Variants in ECHDC1 observed in about 807,000 individuals in gnomAD.
ECHDC1 encodes the protein ethylmalonyl-CoA decarboxylase.
ECHDC1 carries 29 observed loss-of-function variants against 29.7 expected under a neutral mutation model. The observed-to-expected ratio is 0.98, with a 90% CI of 0.73 to 1.33. The LOEUF is 1.33. Among genes scored for constraint, ECHDC1 ranks in the 40% most tolerant of loss-of-function variants. The pLI is 0.00. For missense variants in ECHDC1, 328 were observed against 350.0 expected, an observed-to-expected ratio of 0.94 and a Z score of 0.50; for synonymous variants, 126 against 123.1, an observed-to-expected ratio of 1.02 and a Z score of -0.15.
chr6:127,291,459 C>T (rs1206548653), intron 5 of ECHDC1, among the ~76,000 whole-genome samples: 1 of 151,684 alleles, frequency 6.6e-6, no homozygotes, highest in East Asian at 1.9e-4. Context: ...AGTGAGTTTC[C>T]CTAACGGGTT....
At chr6:127,335,427 C>CA (rs1265920182) in intron 1 of ECHDC1, among the ~76,000 whole-genome samples, 4 of 151,668 alleles carry the variant, frequency 2.6e-5, no homozygotes, top group African/African-American at 4.8e-5. Flanking sequence ...TAGAGTGTGA[C>CA]AAAAAAAGTA....
At chr6:127,328,753 G>A (rs1279917699) in intron 2 of ECHDC1, among the ~76,000 whole-genome samples, 3 of 152,182 alleles carry the variant, frequency 2.0e-5, no homozygotes, top group Non-Finnish European at 4.4e-5. Context: ...CAGGCCGGGT[G>A]CAGTGGCTCA....
intron 5 of ECHDC1, among the ~76,000 whole-genome samples, chr6:127,291,565 G>C (rs763520258): frequency 9.2e-5 from 14 of 152,108 alleles, no homozygotes; most frequent in Non-Finnish European, 2.1e-4. Context: ...AACAGACTGA[G>C]TAAAGCTACA....
chr6:127,313,686 G>A, intron 5 of ECHDC1: 1 of 432,636 alleles, frequency 2.3e-6, no homozygotes, highest in Non-Finnish European at 4.6e-6. Context: ...TAAAAAAATG[G>A]CAAGGCCAGG....
chr6:127,331,990 C>T, intron 1 of ECHDC1: 1 of 469,796 alleles, frequency 2.1e-6, no homozygotes, highest in Non-Finnish European at 2.8e-6. Flanking sequence ...ATAAGCTTTT[C>T]TTGCCCTATG....
chr6:127,342,640 T>C (rs1785055460), intron 1 of ECHDC1: 1 of 408,046 alleles, frequency 2.5e-6, no homozygotes, highest in East Asian at 3.6e-5. Flanking sequence ...CTCTAGCACC[T>C]AGAGCAACAA....
chr6:127,298,300 T>C (rs1431843679), intron 5 of ECHDC1, among the ~76,000 whole-genome samples: 2 of 149,096 alleles, frequency 1.3e-5, no homozygotes, highest in African/African-American at 4.9e-5. Context: ...ATATTAAATA[T>C]TAGACATATA....
intron 5 of ECHDC1, among the ~76,000 whole-genome samples, chr6:127,305,585 C>A (rs995438841): frequency 6.6e-6 from 1 of 152,014 alleles, no homozygotes; most frequent in Non-Finnish European, 1.5e-5. Context: ...ATGAACCAAT[C>A]AAAAATAATA....
intron 5 of ECHDC1, among the ~76,000 whole-genome samples, chr6:127,310,317 T>C (rs1781801534): frequency 6.6e-6 from 1 of 152,142 alleles, no homozygotes; most frequent in African/African-American, 2.4e-5. Context: ...GATTATTACA[T>C]ATTGCATGCC....
At chr6:127,298,719 T>C (rs1167502409) in intron 5 of ECHDC1, among the ~76,000 whole-genome samples, 1 of 152,194 alleles carries the variant, frequency 6.6e-6, no homozygotes, top group African/African-American at 2.4e-5. Flanking sequence ...TGTAATGTCA[T>C]AGAACAATGC....
chr6:127,314,173 C>T (rs1782173657), intron 5 of ECHDC1, among the ~76,000 whole-genome samples: 2 of 152,166 alleles, frequency 1.3e-5, no homozygotes, highest in Non-Finnish European at 2.9e-5. Flanking sequence ...TTATAGCTAG[C>T]TGTGTTAGTA....
Position 127,314,138 on chromosome 6 carries a change from C to CT in ECHDC1, c.497+677dup, listed in dbSNP as rs957413503. ...CCAGTATGTGAACCTGTACAGATAA[C>CT]TCACAGAGCATTGTATTGGTCTCCT... On this transcript the variant is annotated intron_variant, in intron 5 of 5. Coordinates refer to ENST00000454859, the MANE Select transcript of ECHDC1 (RefSeq NM_001002030.2). 1.4e-3 allele frequency among the ~76,000 whole-genome samples: 211 copies of CT among 152,280 alleles called. 1 individual carries two copies. The highest frequency in any genetic ancestry group is 4.4e-3 in the African/African-American group (183 of 41,560).
rs1451261409 is a variant in ECHDC1 at position 127,343,437 on chromosome 6, CT to C, written c.-105del. 6.6e-6 allele frequency: 1 copy of C among 152,530 alleles called. No homozygotes were observed. The highest frequency in any genetic ancestry group is 6.5e-5 in the Admixed American group (1 of 15,278). The allele number at this position is 152,530 out of a possible 1,614,324, so 9.4% of individuals were successfully genotyped here. ...CTCCCCCCGGGACCATCGTGCGCCCCTGTCCTCCGTTCTTGTAGGTCCTCTC... is the reference window on the plus strand; with the variant it reads ...CTCCCCCCGGGACCATCGTGCGCCCCGTCCTCCGTTCTTGTAGGTCCTCTC... On this transcript the variant is annotated 5_prime_UTR_variant, in exon 1 of 6. Transcript: ENST00000454859.
chr6:127,329,999 T>G (rs901199861), intron 2 of ECHDC1: 5 of 287,496 alleles, frequency 1.7e-5, no homozygotes, highest in Non-Finnish European at 2.8e-5. Flanking sequence ...AGTAGATACA[T>G]GAAAATTTTG....
chr6:127,315,334 G>A, intron 4 of ECHDC1: 1 of 340,606 alleles, frequency 2.9e-6, no homozygotes, highest in Non-Finnish European at 5.7e-6. Flanking sequence ...TCCAAAGGTT[G>A]GAAATGTGTT....
chr6:127,325,165 C>T (rs1288044407), intron 3 of ECHDC1, among the ~76,000 whole-genome samples: 3 of 152,196 alleles, frequency 2.0e-5, no homozygotes, highest in Non-Finnish European at 4.4e-5. Flanking sequence ...CTCTCAGAAT[C>T]CCATAACCCC....
At chr6:127,327,214 T>C in intron 2 of ECHDC1, 70 bp from the exon 3 acceptor site, 1 of 1,533,676 alleles carries the variant, frequency 6.5e-7, no homozygotes. Flanking sequence ...AATTTATAAA[T>C]CACAAGTGTC....
chr6:127,325,062 G>A (rs1783196830), intron 3 of ECHDC1, among the ~76,000 whole-genome samples: 1 of 152,160 alleles, frequency 6.6e-6, no homozygotes, highest in Non-Finnish European at 1.5e-5. Flanking sequence ...TCTTCGCCAG[G>A]TGACCAAGGT....
chr6:127,314,794 A>C, intron 5 of ECHDC1, 22 bp downstream of exon 5: 1 of 1,577,038 alleles, frequency 6.3e-7, no homozygotes, highest in Non-Finnish European at 8.6e-7. Context: ...TGTGCAAGAA[A>C]TTAATGAAAT....
Sources: allele counts gnomAD v4.1 joint callset (sites outside exome capture counted in the v4.1 genomes callset), GRCh38; gene constraint gnomAD v4.1.1; transcripts MANE v1.5; gene names NCBI Gene and HGNC (gene_info 2026-07-23, HGNC 2026-07-21).